Variants in NRG3 observed in about 807,000 individuals in gnomAD.
NRG3 encodes neuregulin 3.
A neutral mutation model predicts 66.9 loss-of-function variants in NRG3; 31 were observed. The ratio of observed to expected loss-of-function variants is 0.46; its 90% confidence interval spans 0.35 to 0.63. The LOEUF (loss-of-function observed/expected upper bound fraction) is 0.63. NRG3 is among the 20% of genes least tolerant of loss of function. The pLI, the probability that NRG3 is intolerant of heterozygous loss-of-function variation, is 0.00. For missense variants in NRG3, 910 were observed against 878.9 expected, an observed-to-expected ratio of 1.04 and a Z score of -0.45; for synonymous variants, 393 against 359.4, an observed-to-expected ratio of 1.09 and a Z score of -1.06.
intron 3 of NRG3, among the ~76,000 whole-genome samples, chr10:82,781,160 C>A (rs1241900360): frequency 6.6e-6 from 1 of 152,174 alleles, no homozygotes; most frequent in African/African-American, 2.4e-5. Flanking sequence ...CTACCTTCCT[C>A]TTTCCACATC....
chr10:82,641,577 G>T (rs1337801097), intron 2 of NRG3, among the ~76,000 whole-genome samples: 2 of 152,028 alleles, frequency 1.3e-5, no homozygotes, highest in Non-Finnish European at 2.9e-5. Flanking sequence ...GAAAAGTAGG[G>T]CCCATCAAGA....
At chr10:82,506,846 A>G (rs1844727483) in intron 2 of NRG3, among the ~76,000 whole-genome samples, 1 of 152,204 alleles carries the variant, frequency 6.6e-6, no homozygotes, top group Non-Finnish European at 1.5e-5. Flanking sequence ...TACCTGACTG[A>G]ATGATGTCTA....
chr10:82,559,890 C>CTTAAAT (rs2044915096), intron 2 of NRG3, among the ~76,000 whole-genome samples: 1 of 151,864 alleles, frequency 6.6e-6, no homozygotes. Flanking sequence ...TCTCTTGAGG[C>CTTAAAT]CTAAATATAA....
At chr10:82,314,798 A>C (rs1161301064) in intron 1 of NRG3, among the ~76,000 whole-genome samples, 2 of 152,194 alleles carry the variant, frequency 1.3e-5, no homozygotes, top group Non-Finnish European at 2.9e-5. Flanking sequence ...TGACAGAGCG[A>C]GAGTCCGTCT....
chr10:82,380,257 A>G (rs2085524605), intron 2 of NRG3, among the ~76,000 whole-genome samples: 1 of 127,670 alleles, frequency 7.8e-6, no homozygotes, highest in South Asian at 2.2e-4. Flanking sequence ...TCTATAGACA[A>G]GCAGATCAGA....
intron 1 of NRG3, among the ~76,000 whole-genome samples, chr10:82,331,728 A>G (rs746092096): frequency 1.2e-4 from 19 of 152,192 alleles, no homozygotes; most frequent in Non-Finnish European, 2.8e-4. Context: ...TGGTTTGACC[A>G]TGCAACCTGT....
chr10:82,403,848 C>T (rs1027805503), intron 2 of NRG3, among the ~76,000 whole-genome samples: 2 of 152,052 alleles, frequency 1.3e-5, no homozygotes, highest in East Asian at 3.9e-4. Flanking sequence ...CATACAATTC[C>T]AAATCTCTAG....
intron 1 of NRG3, among the ~76,000 whole-genome samples, chr10:82,277,266 C>G (rs2134390460): frequency 6.6e-6 from 1 of 152,002 alleles, no homozygotes; most frequent in Non-Finnish European, 1.5e-5. Flanking sequence ...ATTAGTTTAG[C>G]AAATATTTCT....
intron 2 of NRG3, among the ~76,000 whole-genome samples, chr10:82,450,320 A>G (rs1269724273): frequency 2.0e-5 from 3 of 152,146 alleles, no homozygotes; most frequent in East Asian, 1.9e-4. Context: ...AAGACCTGCA[A>G]TAGAACCCAT....
intron 1 of NRG3, among the ~76,000 whole-genome samples, chr10:81,907,919 G>A (rs1844747465): frequency 6.6e-6 from 1 of 152,132 alleles, no homozygotes; most frequent in African/African-American, 2.4e-5. Context: ...AGTACAATGA[G>A]GTGACTCTCA....
At chr10:81,911,884 A>G (rs1450861644) in intron 1 of NRG3, among the ~76,000 whole-genome samples, 1 of 152,044 alleles carries the variant, frequency 6.6e-6, no homozygotes, top group African/African-American at 2.4e-5. Context: ...TTAAAGTAAA[A>G]GAATGTTTTC....
intron 3 of NRG3, among the ~76,000 whole-genome samples, chr10:82,774,200 T>C (rs1024804085): frequency 3.3e-5 from 5 of 152,212 alleles, no homozygotes; most frequent in African/African-American, 4.8e-5. Flanking sequence ...TGAGTATTTT[T>C]ACACTAATGT....
At chr10:82,915,969 G>C (rs867808548) in intron 4 of NRG3, among the ~76,000 whole-genome samples, 1 of 151,972 alleles carries the variant, frequency 6.6e-6, no homozygotes, top group Non-Finnish European at 1.5e-5. Context: ...CCTGAATAAG[G>C]CTCTTTCTAG....
chr10:82,609,906 C>T (rs1166161498), intron 2 of NRG3, among the ~76,000 whole-genome samples: 1 of 152,170 alleles, frequency 6.6e-6, no homozygotes, highest in Non-Finnish European at 1.5e-5. Context: ...ATTATTGTCT[C>T]ATAGACCTTT....
chr10:82,368,385 C>G (rs137887295), intron 2 of NRG3, among the ~76,000 whole-genome samples: 1 of 138,622 alleles, frequency 7.2e-6, no homozygotes, highest in African/African-American at 3.3e-5. Flanking sequence ...AATACCAGAT[C>G]GTGCACAAGA....
intron 1 of NRG3, among the ~76,000 whole-genome samples, chr10:82,329,437 GTTT>G (rs529385530): frequency 5.5e-3 from 621 of 113,018 alleles, no homozygotes; most frequent in African/African-American, 0.018. Flanking sequence ...TTCCTTCTTG[GTTT>G]TTTTTTTTTT....
At chr10:82,609,639 C>A (rs1038754367) in intron 2 of NRG3, among the ~76,000 whole-genome samples, 5 of 148,326 alleles carry the variant, frequency 3.4e-5, no homozygotes, top group African/African-American at 9.9e-5. Context: ...AGTTGGAAAA[C>A]ATGTGTTAAA....
At chr10:82,872,157 A>G (rs531546651) in intron 4 of NRG3, among the ~76,000 whole-genome samples, 1 of 152,250 alleles carries the variant, frequency 6.6e-6, no homozygotes, top group East Asian at 1.9e-4. Context: ...CTTTAAATCT[A>G]TTGATATGAT....
chr10:82,839,908 G>A (rs538864224), intron 3 of NRG3, among the ~76,000 whole-genome samples: 1 of 152,106 alleles, frequency 6.6e-6, no homozygotes, highest in African/African-American at 2.4e-5. Flanking sequence ...AATATCCCAA[G>A]AATGTACAGA....
Sources: gnomAD v4.1 joint callset for allele counts (sites outside exome capture counted in the v4.1 genomes callset) on GRCh38, gnomAD v4.1.1 for gene constraint, MANE v1.5 for transcripts, NCBI Gene and HGNC (gene_info 2026-07-23, HGNC 2026-07-21) for gene names.